The following CNTN5 variants were observed in gnomAD, a reference collection of about 807,000 sequenced individuals.
CNTN5 encodes the protein contactin-5.
Under a neutral mutation model 129.1 loss-of-function variants are expected in CNTN5, and 77 were observed. The observed-to-expected ratio is 0.60, with a 90% CI of 0.50 to 0.72. The LOEUF (loss-of-function observed/expected upper bound fraction) is 0.72, where lower values mean the gene tolerates loss of function less well. Among genes scored for constraint, CNTN5 ranks in the 30% least tolerant of loss-of-function variants. CNTN5 has a pLI of 0.00. For synonymous variants in CNTN5, 509 were observed against 465.6 expected, an observed-to-expected ratio of 1.09 and a Z score of -1.20; for missense variants, 1,478 against 1,328.8, an observed-to-expected ratio of 1.11 and a Z score of -1.75.
Position 99,878,832 on chromosome 11 carries a change from C to T in CNTN5, c.577+33570C>T, listed in dbSNP as rs7102461. Among the ~76,000 whole-genome samples, 119 of 152,032 alleles carry T rather than the reference C, an allele frequency of 7.8e-4. 1 individual carries two copies. Among genetic ancestry groups the T allele is most frequent in the African/African-American group, 2.7e-3 (112 of 41,488 alleles). ...ATTGGGCCAATGCACTCCAGCCTGG[C>T]GACAGAGCGAGACTCCGTCTCAAAA... is the stretch of plus-strand genomic sequence containing the variant. On this transcript the variant is annotated intron_variant, in intron 6 of 24. Transcript: ENST00000524871.
chr11:99,896,502 C>A (rs1949211056), intron 6 of CNTN5, among the ~76,000 whole-genome samples: 1 of 152,124 alleles, frequency 6.6e-6, no homozygotes, highest in Non-Finnish European at 1.5e-5. Context: ...TACCCCACAA[C>A]TTCCCACCTC....
At chr11:100,255,153 A>G (rs1488589349) in intron 16 of CNTN5, among the ~76,000 whole-genome samples, 2 of 152,222 alleles carry the variant, frequency 1.3e-5, no homozygotes, top group East Asian at 1.9e-4. Context: ...CATAGATCAC[A>G]GTCTCCTTTG....
At chr11:99,462,360 C>CT (rs72276833) in intron 2 of CNTN5, among the ~76,000 whole-genome samples, 18,954 of 125,262 alleles carry the variant, frequency 0.15, 1,574 homozygotes, top group East Asian at 0.38. Flanking sequence ...CTTTTCTTTT[C>CT]TTTTTTTTTT....
chr11:99,080,202 A>G (rs533202675), intron 1 of CNTN5, among the ~76,000 whole-genome samples: 1 of 152,338 alleles, frequency 6.6e-6, no homozygotes, highest in South Asian at 2.1e-4. Flanking sequence ...AAGACTGTAA[A>G]GTGGAGTTCA....
At chr11:99,878,077 T>G (rs536786147) in intron 6 of CNTN5, among the ~76,000 whole-genome samples, 155 of 152,340 alleles carry the variant, frequency 1.0e-3, no homozygotes, top group African/African-American at 3.2e-3. Flanking sequence ...GCATACATTA[T>G]AACTGTACCA....
intron 3 of CNTN5, among the ~76,000 whole-genome samples, chr11:99,620,589 C>A (rs1468121728): frequency 3.3e-5 from 5 of 149,256 alleles, no homozygotes; most frequent in African/African-American, 1.2e-4. Flanking sequence ...TAGTTAACTG[C>A]ATGCCTGGTT....
rs187084107 is a variant in CNTN5 at position 99,633,139 on chromosome 11, G to A, written c.55+76870G>A. On this transcript the variant is annotated intron_variant, in intron 3 of 24. Coordinates refer to ENST00000524871, the MANE Select transcript of CNTN5 (RefSeq NM_014361.4). ...ACTCTCCTCCAAGTAAGTGGCTACA[G>A]AATTCTTAAAAAGAGGAAAGAACTT... 2.6e-5 allele frequency among the ~76,000 whole-genome samples: 4 copies of A among 152,170 alleles called. No individual in the cohort carries two copies. The East Asian group carries it at 7.7e-4, about 29-fold the overall frequency.
chr11:99,511,945 A>C (rs1266270787), intron 2 of CNTN5, among the ~76,000 whole-genome samples: 1 of 152,138 alleles, frequency 6.6e-6, no homozygotes, highest in Admixed American at 6.5e-5. Flanking sequence ...TGAGTCAAAA[A>C]AGTTTACAAA....
intron 3 of CNTN5, among the ~76,000 whole-genome samples, chr11:99,589,008 T>A (rs1235156197): frequency 6.6e-6 from 1 of 152,186 alleles, no homozygotes; most frequent in Non-Finnish European, 1.5e-5. Flanking sequence ...ACAAAAGCAA[T>A]AATATATGTA....
At chr11:99,344,189 G>A (rs1428667468) in intron 2 of CNTN5, among the ~76,000 whole-genome samples, 3 of 152,092 alleles carry the variant, frequency 2.0e-5, no homozygotes, top group African/African-American at 2.4e-5. Flanking sequence ...TTATAAGGTA[G>A]GATTTTGTCC....
At chr11:99,574,803 C>T (rs1949291646) in intron 3 of CNTN5, among the ~76,000 whole-genome samples, 1 of 151,624 alleles carries the variant, frequency 6.6e-6, no homozygotes, top group African/African-American at 2.4e-5. Flanking sequence ...CTTGTAGATT[C>T]TGGATATTAG....
chr11:99,673,682 T>A (rs1953146601), intron 3 of CNTN5, among the ~76,000 whole-genome samples: 1 of 151,984 alleles, frequency 6.6e-6, no homozygotes, highest in Non-Finnish European at 1.5e-5. Flanking sequence ...CACTTATAAG[T>A]GAGAACATGC....
At chr11:99,345,162 A>G (rs566639433) in intron 2 of CNTN5, among the ~76,000 whole-genome samples, 2 of 152,206 alleles carry the variant, frequency 1.3e-5, no homozygotes, top group Non-Finnish European at 2.9e-5. Flanking sequence ...ATATGAATAC[A>G]TATATATGGA....
chr11:99,495,293 T>C (rs1180058658), intron 2 of CNTN5, among the ~76,000 whole-genome samples: 1 of 152,110 alleles, frequency 6.6e-6, no homozygotes, highest in East Asian at 1.9e-4. Context: ...GCTTGAACCC[T>C]GGAGGCGGAG....
At chr11:100,068,342 A>G (rs1943773808) in intron 10 of CNTN5, among the ~76,000 whole-genome samples, 1 of 152,126 alleles carries the variant, frequency 6.6e-6, no homozygotes, top group South Asian at 2.1e-4. Flanking sequence ...GGTGCACATG[A>G]CTCTTCTTTG....
intron 9 of CNTN5, among the ~76,000 whole-genome samples, chr11:100,027,595 A>C (rs1327069045): frequency 1.3e-5 from 2 of 152,196 alleles, no homozygotes; most frequent in Non-Finnish European, 2.9e-5. Flanking sequence ...GTCATTACTG[A>C]ATTGAATACT....
chr11:99,871,574 A>G (rs2135813527), intron 6 of CNTN5, among the ~76,000 whole-genome samples: 1 of 152,172 alleles, frequency 6.6e-6, no homozygotes, highest in East Asian at 1.9e-4. Context: ...AATGTCAGGT[A>G]CTGGGAAAAC....
At chr11:99,961,279 G>C (rs896878899) in intron 8 of CNTN5, among the ~76,000 whole-genome samples, 12 of 150,778 alleles carry the variant, frequency 8.0e-5, no homozygotes, top group Admixed American at 7.9e-4. Flanking sequence ...TCCATAAGAA[G>C]TGGGCATGTA....
chr11:100,182,568 T>C (rs1023659442), intron 13 of CNTN5, among the ~76,000 whole-genome samples: 1 of 152,040 alleles, frequency 6.6e-6, no homozygotes, highest in Admixed American at 6.6e-5. Context: ...CATTTCAAAA[T>C]CAAAGTATGA....
Sources: gnomAD v4.1 joint callset for allele counts (sites outside exome capture counted in the v4.1 genomes callset) on GRCh38, gnomAD v4.1.1 for gene constraint, MANE v1.5 for transcripts, NCBI Gene and HGNC (gene_info 2026-07-23, HGNC 2026-07-21) for gene names.